The following LGALS4 variants were observed in gnomAD, a reference collection of about 807,000 sequenced individuals.
The protein encoded by LGALS4 is galectin 4.
Under a neutral mutation model 39.6 loss-of-function variants are expected in LGALS4, and 37 were observed. The ratio of observed to expected loss-of-function variants is 0.93; its 90% CI spans 0.72 to 1.23. LGALS4 has a LOEUF of 1.23. Ranked by LOEUF, LGALS4 falls within the 50% of genes most tolerant of loss-of-function variation. The probability of loss-of-function intolerance (pLI) is 0.00; values close to 1 mark genes in which losing one functional copy is unlikely to be tolerated. For synonymous variants in LGALS4, 160 were observed against 165.5 expected (o/e 0.97, Z 0.25); for missense variants, 397 against 433.2 (o/e 0.92, Z 0.74).
intron 3 of LGALS4, 28 bp downstream of exon 3, chr19:38,808,716 T>C (rs1234325911): frequency 2.5e-6 from 4 of 1,595,932 alleles, no homozygotes; most frequent in African/African-American, 1.3e-5. Context: ...CACTCCAGCT[T>C]GGGAAACAAG....
intron 2 of LGALS4, among the ~76,000 whole-genome samples, chr19:38,810,219 G>A (rs570876886): frequency 1.3e-5 from 2 of 152,006 alleles, no homozygotes; most frequent in Non-Finnish European, 2.9e-5. Context: ...GCAGTGATGC[G>A]ATCTCAGCTC....
chr19:38,802,397 G>C lies in LGALS4; in HGVS notation c.578C>G (p.Pro193Arg), dbSNP rs781330354. 6.2e-7 allele frequency: 1 copy of C among 1,613,990 alleles called. No individual in the cohort carries two copies. The highest frequency in any genetic ancestry group is 8.5e-7 in the Non-Finnish European group (1 of 1,179,852). ...CCCTCCTTGCAGCCTCCCGAAATAT[G>C]GCACAGGCTGTGGGAAGAGAACGGG... is the stretch of plus-strand genomic sequence containing the variant. The part of the protein sequence containing the change: ...EGPPTFNPPV[P>R]YFGRLQGGLT... Residue 193 changes from proline to arginine, a missense_variant, in exon 8 of 10, where the codon CCA becomes CGA. By Grantham distance (103) the Pro-to-Arg change is moderately radical. Transcript: ENST00000307751.
chr19:38,804,556 C>CT (rs1454951205), intron 4 of LGALS4, among the ~76,000 whole-genome samples: 2 of 152,178 alleles, frequency 1.3e-5, no homozygotes, highest in East Asian at 3.8e-4. Flanking sequence ...ACACCTTTAA[C>CT]TTTTACTCTC....
At chr19:38,810,987 CA>C (rs1971487058) in intron 2 of LGALS4, among the ~76,000 whole-genome samples, 1 of 151,262 alleles carries the variant, frequency 6.6e-6, no homozygotes, top group African/African-American at 2.4e-5. Context: ...CCGAAACCTC[CA>C]CTTCCCAGGT....
intron 2 of LGALS4, among the ~76,000 whole-genome samples, chr19:38,810,086 C>T (rs1438984468): frequency 6.6e-6 from 1 of 152,208 alleles, no homozygotes; most frequent in Non-Finnish European, 1.5e-5. Context: ...CTCAGCTGTC[C>T]CTGGGGATCC....
At position 38,806,465 on chromosome 19, in the gene LGALS4, G is replaced by A; in HGVS notation, c.470C>T (p.Pro157Leu). 1.2e-6 allele frequency: 2 copies of A among 1,614,170 alleles called. No homozygotes were observed. Among genetic ancestry groups the A allele is most frequent in the South Asian group, 2.2e-5 (2 of 91,080 alleles). ...INFIGGQPLR[P>L]QGPPMMPPYP... The stretch of plus-strand genomic sequence containing the variant: ...AAGGGATGGGACCCCTCACACCTGG[G>A]GCCGGAGGGGCTGGCCTCCGATGAA... The change falls in exon 4 of 10, where the codon CCC (proline) becomes CTC (leucine). Residue 157 changes from proline (P) to leucine (L), a missense_variant. Coordinates refer to ENST00000307751, the MANE Select transcript of LGALS4 (RefSeq NM_006149.4).
intron 2 of LGALS4, among the ~76,000 whole-genome samples, chr19:38,811,136 G>C (rs1054274926): frequency 1.3e-5 from 2 of 151,952 alleles, no homozygotes; most frequent in Non-Finnish European, 2.9e-5. Context: ...CCCGATCTCA[G>C]GTGATCTGCC....
chr19:38,812,223 C>T (rs1368075857), intron 2 of LGALS4, among the ~76,000 whole-genome samples: 1 of 152,232 alleles, frequency 6.6e-6, no homozygotes, highest in Non-Finnish European at 1.5e-5. Flanking sequence ...CAGGGACTGC[C>T]TCTCACGGTG....
At position 38,812,873 on chromosome 19, in the gene LGALS4, G is replaced by A. The variant is rs1203712436; in HGVS notation, c.14C>T (p.Pro5Leu). The change falls in exon 1 of 10, where the codon CCC (proline) becomes CTC (leucine). Residue 5 changes from proline to leucine, a missense_variant. Coordinates refer to ENST00000307751, the MANE Select transcript of LGALS4 (RefSeq NM_006149.4). MAYV[P>L]APGYQPTYNP... ...GTAGGTGGGCTGGTAGCCCGGTGCGGGGACATAGGCCATCGCTCGAGGCTG... is the reference window on the plus strand; with the variant it reads ...GTAGGTGGGCTGGTAGCCCGGTGCGAGGACATAGGCCATCGCTCGAGGCTG... 1 of 1,612,136 alleles carries A rather than the reference G, an allele frequency of 6.2e-7. No individual in the cohort carries two copies. Among genetic ancestry groups the A allele is most frequent in the Non-Finnish European group, 8.5e-7 (1 of 1,179,996 alleles).
At chr19:38,812,775 G>T in intron 1 of LGALS4, 67 bp downstream of exon 1, 2 of 1,556,296 alleles carry the variant, frequency 1.3e-6, no homozygotes, top group Non-Finnish European at 8.8e-7. Context: ...GATCAGAGTG[G>T]GGAAAATTGG....
intron 2 of LGALS4, among the ~76,000 whole-genome samples, chr19:38,811,544 T>C (rs1462500011): frequency 6.6e-6 from 1 of 151,884 alleles, no homozygotes; most frequent in Non-Finnish European, 1.5e-5. Context: ...TGTAGTCCCA[T>C]CTGCTTGGAA....
At position 38,812,481 on chromosome 19, in the gene LGALS4, G is replaced by C. The variant is rs150301732; in HGVS notation, c.84C>G (p.Asn28Lys). Residue 28 changes from asparagine (N) to lysine (K), a missense_variant, in exon 2 of 10, where the codon AAC becomes AAG. Physicochemically the swap from Asn to Lys is moderately conservative, Grantham distance 94. Transcript: ENST00000307751. Reference sequence around the variant, plus strand: ...CTTGGATGTAAACAGACATTCCCACGTTGAGCCCGCCCGGGATGGGCTGGT... The same window carrying C: ...CTTGGATGTAAACAGACATTCCCACCTTGAGCCCGCCCGGGATGGGCTGGT... ...PYYQPIPGGL[N>K]VGMSVYIQGV... 1 of 1,614,186 alleles carries C rather than the reference G, an allele frequency of 6.2e-7. No individual in the cohort carries two copies. Among genetic ancestry groups the C allele is most frequent in the Admixed American group, 1.7e-5 (1 of 60,018 alleles).
At chr19:38,807,982 G>C in intron 3 of LGALS4, among the ~76,000 whole-genome samples, 1 of 152,072 alleles carries the variant, frequency 6.6e-6, no homozygotes, top group Non-Finnish European at 1.5e-5. Context: ...CAAACACTGT[G>C]GAAGGCCGCA....
chr19:38,802,519 G>A (rs1971369536), intron 7 of LGALS4, 115 bp from the exon 8 acceptor site: 6 of 760,784 alleles, frequency 7.9e-6, no homozygotes, highest in Non-Finnish European at 1.3e-5. Flanking sequence ...ATAAGAGATG[G>A]GGTCTTACTC....
At chr19:38,806,403 T>C in intron 4 of LGALS4, 58 bp downstream of exon 4, 1 of 1,510,690 alleles carries the variant, frequency 6.6e-7, no homozygotes, top group Non-Finnish European at 8.9e-7. Flanking sequence ...AGAAAAAAAA[T>C]GAATGTGGAA....
chr19:38,812,321 G>C, intron 2 of LGALS4, 110 bp downstream of exon 2: 1 of 857,558 alleles, frequency 1.2e-6, no homozygotes, highest in Non-Finnish European at 1.9e-6. Flanking sequence ...CAGAAAAAGA[G>C]TCCCCTCTCC....
Position 38,803,896 on chromosome 19 carries a change from C to T in LGALS4, c.475-1G>A. On this transcript the variant is annotated splice_acceptor_variant, in intron 4 of 9. Coordinates refer to ENST00000307751, the MANE Select transcript of LGALS4 (RefSeq NM_006149.4). LOFTEE classifies it high-confidence loss of function. ...GGTAAGGTGGCATCATCGGGGGTCC[C>T]TGTGGGCACAGAAAGAGAAAGCGGT... 1 of 1,608,412 alleles carries T rather than the reference C, an allele frequency of 6.2e-7. No homozygotes were observed. The highest frequency in any genetic ancestry group is 8.5e-7 in the Non-Finnish European group (1 of 1,177,272).
intron 3 of LGALS4, among the ~76,000 whole-genome samples, chr19:38,807,669 G>T (rs1307166656): frequency 6.6e-6 from 1 of 152,130 alleles, no homozygotes; most frequent in Non-Finnish European, 1.5e-5. Flanking sequence ...GACGATGGCG[G>T]TTTTGTCGAA....
chr19:38,810,825 A>G (rs1376472822), intron 2 of LGALS4, among the ~76,000 whole-genome samples: 1 of 151,524 alleles, frequency 6.6e-6, no homozygotes, highest in Non-Finnish European at 1.5e-5. Context: ...CTGTCCGCAC[A>G]TACACTCCCC....
Sources: gnomAD v4.1 joint callset for allele counts (sites outside exome capture counted in the v4.1 genomes callset) on GRCh38, gnomAD v4.1.1 for gene constraint, MANE v1.5 for transcripts, NCBI Gene and HGNC (gene_info 2026-07-23, HGNC 2026-07-21) for gene names.